ABCA4: variants seen among roughly 807,000 people sequenced by gnomAD.
ABCA4 encodes the protein retinal-specific phospholipid-transporting ATPase ABCA4.
Under a neutral mutation model 263.7 loss-of-function variants are expected in ABCA4, and 196 were observed. The ratio of observed to expected loss-of-function variants is 0.74; its 90% CI spans 0.66 to 0.84. The LOEUF (loss-of-function observed/expected upper bound fraction) is 0.84, where lower values mean the gene tolerates loss of function less well. Among genes scored for constraint, ABCA4 ranks in the 40% least tolerant of loss-of-function variants. The probability of loss-of-function intolerance (pLI) is 0.00; values close to 1 mark genes in which losing one functional copy is unlikely to be tolerated. For synonymous variants in ABCA4, 1,133 were observed against 1,094.2 expected (o/e 1.04, Z -0.70); for missense variants, 2,792 against 2,855.1 (o/e 0.98, Z 0.50).
At chr1:94,013,590 G>A (rs190374359) in intron 38 of ABCA4, among the ~76,000 whole-genome samples, 6 of 152,332 alleles carry the variant, frequency 3.9e-5, no homozygotes, top group African/African-American at 1.4e-4. Context: ...CAGACACAGC[G>A]GTGGGGACTG....
chr1:94,042,611 C>G (rs1660522683), intron 22 of ABCA4, 150 bp downstream of exon 22: 1 of 1,124,018 alleles, frequency 8.9e-7, no homozygotes, highest in Admixed American at 2.1e-5. Flanking sequence ...TTAGCTGGAA[C>G]TTAGATTCAC....
intron 1 of ABCA4, among the ~76,000 whole-genome samples, chr1:94,119,066 G>C (rs943459934): frequency 6.6e-6 from 1 of 152,188 alleles, no homozygotes; most frequent in Non-Finnish European, 1.5e-5. Flanking sequence ...ATAGGCAGGG[G>C]CTGGGAGGTC....
chr1:94,048,702 A>G (rs898240513), intron 18 of ABCA4, among the ~76,000 whole-genome samples, 166 bp downstream of exon 18: 1 of 152,184 alleles, frequency 6.6e-6, no homozygotes, highest in Non-Finnish European at 1.5e-5. Flanking sequence ...TTCCACACAC[A>G]TGCAGATGGA....
chr1:93,999,291 C>T (rs1295009743), intron 47 of ABCA4, among the ~76,000 whole-genome samples: 1 of 152,248 alleles, frequency 6.6e-6, no homozygotes, highest in Non-Finnish European at 1.5e-5. Flanking sequence ...AGTGATCCAC[C>T]TGCCTCAGCT....
At chr1:93,995,556 CATACCTCCTA>C (rs1658975491) in intron 49 of ABCA4, among the ~76,000 whole-genome samples, 1 of 152,224 alleles carries the variant, frequency 6.6e-6, no homozygotes, top group Non-Finnish European at 1.5e-5. Flanking sequence ...AGCCAGGAGA[CATACCTCCTA>C]TTGCTTCTTT....
intron 6 of ABCA4, among the ~76,000 whole-genome samples, chr1:94,093,523 C>T (rs1033937430): frequency 3.3e-5 from 5 of 152,224 alleles, no homozygotes; most frequent in African/African-American, 1.2e-4. Flanking sequence ...GCGCCTAGTG[C>T]GTATTTACTG....
In ABCA4 at chr1:94,063,373, A is replaced by G. The variant is rs915062124; in HGVS notation, c.1555-56T>C. The G allele has an allele frequency of 9.9e-6, 15 of 1,515,534 alleles. No homozygotes were observed. The African/African-American group carries it at 1.2e-4, about 12-fold the overall frequency. The allele number at this position is 1,515,534 out of a possible 1,614,324, so 93.9% of individuals were successfully genotyped here. A position where few individuals can be genotyped will look rare whatever the true frequency, so the allele number is the denominator to read the frequency against. On this transcript the variant is annotated intron_variant, in intron 11 of 49. Coordinates refer to ENST00000370225, the MANE Select transcript of ABCA4 (RefSeq NM_000350.3). ...GAGGAGGACCAACTGCAAAGACTCA[A>G]CTCTACACACAGAAAGTCACAGGAT...
chr1:94,052,174 C>A (rs956789514), intron 16 of ABCA4, among the ~76,000 whole-genome samples: 2 of 152,162 alleles, frequency 1.3e-5, no homozygotes, highest in African/African-American at 4.8e-5. Context: ...GAGATTCAGC[C>A]ATCTGCCCCC....
At chr1:94,028,125 T>A (rs1041252491) in intron 30 of ABCA4, among the ~76,000 whole-genome samples, 1 of 152,194 alleles carries the variant, frequency 6.6e-6, no homozygotes. Context: ...GTGATAAAAT[T>A]AAGGCTCAGA....
At chr1:94,109,791 C>T (rs1662551634) in intron 3 of ABCA4, among the ~76,000 whole-genome samples, 1 of 152,194 alleles carries the variant, frequency 6.6e-6, no homozygotes, top group Admixed American at 6.5e-5. Flanking sequence ...TCATAGATTT[C>T]CTTCTGGGGT....
At chr1:94,065,612 C>T (rs1004971846) in intron 11 of ABCA4, among the ~76,000 whole-genome samples, 1 of 152,218 alleles carries the variant, frequency 6.6e-6, no homozygotes, top group Non-Finnish European at 1.5e-5. Context: ...AACTGTCCCA[C>T]CTCAGCCTCC....
intron 4 of ABCA4, among the ~76,000 whole-genome samples, chr1:94,108,227 C>T (rs1236622417): frequency 1.3e-5 from 2 of 152,210 alleles, no homozygotes; most frequent in Non-Finnish European, 2.9e-5. Context: ...CTCTAGAACT[C>T]TGTGAGAGTT....
At chr1:94,023,456 A>T (rs1178164362) in intron 31 of ABCA4, 38 bp from the exon 32 acceptor site, 1 of 1,514,444 alleles carries the variant, frequency 6.6e-7, no homozygotes, top group East Asian at 2.3e-5. Context: ...GAATACCACA[A>T]GTACAGCAGT....
In ABCA4 at chr1:94,099,102, A is replaced by T. The variant is rs189854184; in HGVS notation, c.571-111T>A. 4.1e-6 allele frequency: 5 copies of T among 1,227,020 alleles called. No homozygotes were observed. In the African/African-American group the frequency reaches 7.5e-5, roughly 18 times the overall value. 76.0% of individuals were successfully genotyped at this position (1,227,020 alleles called of 1,614,324 possible). Reference sequence around the variant, plus strand: ...GTGTTACATGGCGACAGGAATTAAGATCGCAGATGGGATTAAAGCCACTGA... The same window carrying T: ...GTGTTACATGGCGACAGGAATTAAGTTCGCAGATGGGATTAAAGCCACTGA... On this transcript the variant is annotated intron_variant, in intron 5 of 49. Coordinates refer to ENST00000370225, the MANE Select transcript of ABCA4 (RefSeq NM_000350.3).
intron 9 of ABCA4, 75 bp from the exon 10 acceptor site, chr1:94,078,781 T>A: frequency 1.0e-6 from 1 of 996,532 alleles, no homozygotes; most frequent in Non-Finnish European, 1.6e-6. Flanking sequence ...TTGTGTCTTT[T>A]CTGCCCCTAT....
At chr1:94,013,973 TG>T (rs1659648014) in intron 38 of ABCA4, among the ~76,000 whole-genome samples, 1 of 152,200 alleles carries the variant, frequency 6.6e-6, no homozygotes, top group African/African-American at 2.4e-5. Flanking sequence ...TTTCATTGTA[TG>T]CCTTTTTGTT....
intron 22 of ABCA4, 111 bp from the exon 23 acceptor site, chr1:94,041,513 T>TAAA: frequency 2.4e-6 from 2 of 835,778 alleles, no homozygotes; most frequent in Non-Finnish European, 3.6e-6. Flanking sequence ...AGGAGTTAAC[T>TAAA]AAAAAAAAAA....
At position 94,114,488 on chromosome 1, in the gene ABCA4, CT is replaced by C. The variant is rs11419879; in HGVS notation, c.67-1423del. 5.0e-3 allele frequency among the ~76,000 whole-genome samples: 754 copies of C among 149,916 alleles called. 4 individuals carry two copies. Among genetic ancestry groups the C allele is most frequent in the African/African-American group, 0.017 (697 of 40,830 alleles). On this transcript the variant is annotated intron_variant, in intron 1 of 49. Transcript: ENST00000370225. ...AAAAGAATAGACTCTCCGTGAGGCA[CT>C]TTTTTTTTTCTTTTTGAGACGGAGT...
intron 4 of ABCA4, among the ~76,000 whole-genome samples, chr1:94,104,444 A>G (rs1662367581): frequency 1.3e-5 from 2 of 152,096 alleles, no homozygotes; most frequent in African/African-American, 4.8e-5. Flanking sequence ...CCCCTCCCCC[A>G]GTGGCCAAGA....
Sources: gnomAD v4.1 joint callset for allele counts (sites outside exome capture counted in the v4.1 genomes callset) on GRCh38, gnomAD v4.1.1 for gene constraint, MANE v1.5 for transcripts, NCBI Gene and HGNC (gene_info 2026-07-23, HGNC 2026-07-21) for gene names.